Variants in IGSF21 observed in about 807,000 individuals in gnomAD.
The protein encoded by IGSF21 is immunoglobin superfamily member 21.
In IGSF21, 28 loss-of-function variants were observed where a neutral mutation model predicts 46.8. That is an observed-to-expected ratio of 0.60 (90% CI 0.44 to 0.82). IGSF21 has a LOEUF of 0.82. IGSF21 is among the 40% of genes least tolerant of loss of function. IGSF21 has a pLI of 0.00. For missense variants in IGSF21, 624 were observed against 665.5 expected, an observed-to-expected ratio of 0.94 and a Z score of 0.69; for synonymous variants, 284 against 273.6, an observed-to-expected ratio of 1.04 and a Z score of -0.38.
At chr1:18,276,166 G>A (rs890594775) in intron 2 of IGSF21, among the ~76,000 whole-genome samples, 7 of 152,098 alleles carry the variant, frequency 4.6e-5, no homozygotes, top group Admixed American at 2.6e-4. Context: ...GCAAAGGTGG[G>A]TGCTGAACAG....
intron 1 of IGSF21, among the ~76,000 whole-genome samples, chr1:18,159,631 C>T (rs1433397770): frequency 6.6e-6 from 1 of 151,748 alleles, no homozygotes; most frequent in Non-Finnish European, 1.5e-5. Context: ...CCGTGTGGAA[C>T]TGTAAACCCA....
chr1:18,271,716 C>T (rs1557617210), intron 2 of IGSF21, among the ~76,000 whole-genome samples: 1 of 152,174 alleles, frequency 6.6e-6, no homozygotes, highest in Admixed American at 6.5e-5. Flanking sequence ...GGGCCAGACT[C>T]AGTCTTGGGC....
At chr1:18,274,652 A>T (rs2085082337) in intron 2 of IGSF21, among the ~76,000 whole-genome samples, 1 of 152,264 alleles carries the variant, frequency 6.6e-6, no homozygotes, top group Non-Finnish European at 1.5e-5. Flanking sequence ...TTACAGAGAA[A>T]GTTTGCTGTC....
At chr1:18,198,174 G>C (rs376355019) in intron 1 of IGSF21, among the ~76,000 whole-genome samples, 1 of 152,132 alleles carries the variant, frequency 6.6e-6, no homozygotes, top group African/African-American at 2.4e-5. Flanking sequence ...AATCTGTCTC[G>C]AAGTGAACAC....
intron 1 of IGSF21, among the ~76,000 whole-genome samples, chr1:18,178,723 C>A (rs570247661): frequency 8.5e-5 from 13 of 152,246 alleles, no homozygotes; most frequent in African/African-American, 2.9e-4. Flanking sequence ...TCGGCTTCTC[C>A]GGCCAGCAAG....
chr1:18,168,541 A>G (rs964691183), intron 1 of IGSF21, among the ~76,000 whole-genome samples: 1 of 152,130 alleles, frequency 6.6e-6, no homozygotes, highest in Admixed American at 6.5e-5. Context: ...GAATCCCATG[A>G]TGTTACCACT....
Position 18,376,949 on chromosome 1 carries a change from C to A in IGSF21, c.1251C>A (p.Asn417Lys). ...NGSMYRCTAQ[N>K]PLGSTDTHTR... ...CCATGTATCGCTGCACCGCCCAGAA[C>A]CCACTGGGCTCCACCGACACGCACA... The change falls in exon 8 of 10, where the codon AAC becomes AAA. Residue 417 changes from asparagine to lysine, a missense_variant. Coordinates refer to ENST00000251296, the MANE Select transcript of IGSF21 (RefSeq NM_032880.5). The A allele has an allele frequency of 6.2e-7, 1 of 1,605,428 alleles. No homozygotes were observed. Among genetic ancestry groups the A allele is most frequent in the Non-Finnish European group, 8.5e-7 (1 of 1,173,030 alleles).
Position 18,376,922 on chromosome 1 carries a change from C to T in IGSF21, c.1224C>T (p.Gly408=). The change falls in exon 8 of 10, where the codon GGC becomes GGT. Residue 408 remains glycine, a synonymous_variant. Transcript: ENST00000251296. ...AGCGGGTTCCCGCCGAGCTCAATGGCTCCATGTATCGCTGCACCGCCCAGA... is the reference window on the plus strand; with the variant it reads ...AGCGGGTTCCCGCCGAGCTCAATGGTTCCATGTATCGCTGCACCGCCCAGA... ...VLERVPAELN[G]SMYRCTAQNP... The T allele has an allele frequency of 5.6e-6, 9 of 1,612,652 alleles. No individual in the cohort carries two copies. The Middle Eastern group carries it at 9.9e-4, about 178-fold the overall frequency.
intron 2 of IGSF21, among the ~76,000 whole-genome samples, chr1:18,249,371 G>T (rs1015840942): frequency 2.6e-5 from 4 of 152,122 alleles, no homozygotes; most frequent in Admixed American, 1.3e-4. Flanking sequence ...GGTGGATCAT[G>T]GGCAATAGGT....
At position 18,247,174 on chromosome 1, in the gene IGSF21, G is replaced by A. The variant is rs565691294; in HGVS notation, c.183+19164G>A. ...CTAACTCCAGACTGCCACTCTACCC[G>A]TTTTCTTGTTCCCTTGAGATGGTCA... On this transcript the variant is annotated intron_variant, in intron 2 of 9. Coordinates refer to ENST00000251296, the MANE Select transcript of IGSF21 (RefSeq NM_032880.5). Among the ~76,000 whole-genome samples, 17 of 150,322 alleles carry A rather than the reference G, an allele frequency of 1.1e-4. No individual in the cohort carries two copies. The East Asian group carries it at 1.6e-3, about 14-fold the overall frequency.
intron 1 of IGSF21, among the ~76,000 whole-genome samples, chr1:18,131,220 C>T (rs976249222): frequency 1.3e-5 from 2 of 152,160 alleles, no homozygotes; most frequent in African/African-American, 2.4e-5. Flanking sequence ...TTTTTCTTCA[C>T]GTGTCTCAGA....
chr1:18,368,430 G>A (rs958630090), intron 6 of IGSF21, among the ~76,000 whole-genome samples: 8 of 150,040 alleles, frequency 5.3e-5, no homozygotes, highest in African/African-American at 1.7e-4. Flanking sequence ...AGAATCACTT[G>A]AACCCAGGAG....
intron 2 of IGSF21, among the ~76,000 whole-genome samples, chr1:18,257,256 C>G (rs1478330227): frequency 6.6e-6 from 1 of 152,168 alleles, no homozygotes; most frequent in Non-Finnish European, 1.5e-5. Context: ...GTTGACTGCA[C>G]TAGCCTATGT....
intron 1 of IGSF21, among the ~76,000 whole-genome samples, chr1:18,223,747 C>T (rs2084534855): frequency 1.3e-5 from 2 of 152,242 alleles, no homozygotes; most frequent in Non-Finnish European, 1.5e-5. Flanking sequence ...GTACAAGGCA[C>T]TGGTTGCTGC....
At chr1:18,307,440 C>CA (rs1557636288) in intron 3 of IGSF21, among the ~76,000 whole-genome samples, 4 of 152,220 alleles carry the variant, frequency 2.6e-5, no homozygotes, top group African/African-American at 9.7e-5. Flanking sequence ...CATCTATCCT[C>CA]ACAATGTTAC....
intron 3 of IGSF21, among the ~76,000 whole-genome samples, chr1:18,317,252 A>T (rs2085552585): frequency 6.6e-6 from 1 of 152,218 alleles, no homozygotes; most frequent in Non-Finnish European, 1.5e-5. Context: ...TGGCTAGAAA[A>T]AAACACATTT....
intron 2 of IGSF21, among the ~76,000 whole-genome samples, chr1:18,279,777 C>G (rs2085140574): frequency 6.6e-6 from 1 of 152,244 alleles, no homozygotes; most frequent in Non-Finnish European, 1.5e-5. Flanking sequence ...GTGTTAATTA[C>G]AGCAGACAGG....
Position 18,167,384 on chromosome 1 carries a change from A to C in IGSF21, c.70+59186A>C, listed in dbSNP as rs186168731. ...GTACAGAGGAGGAAACCAAGACTTG[A>C]AAAGGTGAAATTGTTTACCCAAAGT... On this transcript the variant is annotated intron_variant, in intron 1 of 9. Coordinates refer to ENST00000251296, the MANE Select transcript of IGSF21 (RefSeq NM_032880.5). Among the ~76,000 whole-genome samples the C allele has an allele frequency of 2.5e-4, 38 of 152,256 alleles. 1 individual carries two copies. The highest frequency in any genetic ancestry group is 5.0e-4 in the Non-Finnish European group (34 of 68,012).
At position 18,286,079 on chromosome 1, in the gene IGSF21, G is replaced by A. The variant is rs115986168; in HGVS notation, c.184-5787G>A. 6.4e-3 allele frequency among the ~76,000 whole-genome samples: 982 copies of A among 152,284 alleles called. 1 individual carries two copies. The highest frequency in any genetic ancestry group is 0.014 in the Middle Eastern group (4 of 294). On this transcript the variant is annotated intron_variant, in intron 2 of 9. Coordinates refer to ENST00000251296, the MANE Select transcript of IGSF21 (RefSeq NM_032880.5). Reference sequence around the variant, plus strand: ...CAGCAATCAACTGAGTGGCAGAGCTGGGATCTGATTCCAGAGCTGTGTGAC... The same window carrying A: ...CAGCAATCAACTGAGTGGCAGAGCTAGGATCTGATTCCAGAGCTGTGTGAC...
Sources: gnomAD v4.1 joint callset for allele counts (sites outside exome capture counted in the v4.1 genomes callset) on GRCh38, gnomAD v4.1.1 for gene constraint, MANE v1.5 for transcripts, NCBI Gene and HGNC (gene_info 2026-07-23, HGNC 2026-07-21) for gene names.